ATP11B: variants seen among roughly 807,000 people sequenced by gnomAD.
The protein encoded by ATP11B is ATPase phospholipid transporting 11B (putative), also known as phospholipid-transporting ATPase IF.
In ATP11B, 81 loss-of-function variants were observed where a neutral mutation model predicts 157.8. The ratio of observed to expected loss-of-function variants is 0.51; its 90% CI spans 0.43 to 0.62. ATP11B has a LOEUF of 0.62. Among genes scored for constraint, ATP11B ranks in the 20% least tolerant of loss-of-function variants. The pLI is 0.00. For missense variants in ATP11B, 1,165 were observed against 1,402.2 expected, an observed-to-expected ratio of 0.83 and a Z score of 2.70; for synonymous variants, 451 against 469.4, an observed-to-expected ratio of 0.96 and a Z score of 0.51.
intron 24 of ATP11B, 142 bp from the exon 25 acceptor site, chr3:182,889,264 GATTT>G (rs559277885): frequency 1.8e-4 from 103 of 583,278 alleles, no homozygotes; most frequent in African/African-American, 8.9e-4. Flanking sequence ...TATAAATTTG[GATTT>G]ATTTATTCTT....
Position 182,919,508 on chromosome 3 carries a change from G to A in ATP11B, c.*1404G>A, listed in dbSNP as rs1014006574. 2 of 152,556 alleles carry A rather than the reference G, an allele frequency of 1.3e-5. No homozygotes were observed. The highest frequency in any genetic ancestry group is 4.8e-5 in the African/African-American group (2 of 41,436). 9.5% of individuals were successfully genotyped at this position (152,556 alleles called of 1,614,324 possible). A position where few individuals can be genotyped will look rare whatever the true frequency, so the allele number is the denominator to read the frequency against. ...TAATGTTGTCTTAAGATTTAGAAGT[G>A]ATTATTAGCTTGAGAACTATTACCC... On this transcript the variant is annotated 3_prime_UTR_variant, in exon 30 of 30. Transcript: ENST00000323116.
Position 182,869,097 on chromosome 3 carries a change from C to T in ATP11B, c.1708C>T (p.Leu570=), listed in dbSNP as rs1721457202. The T allele has an allele frequency of 6.2e-7, 1 of 1,609,646 alleles. No individual in the cohort carries two copies. The highest frequency in any genetic ancestry group is 8.5e-7 in the Non-Finnish European group (1 of 1,177,982). The change falls in exon 16 of 30, where the codon CTG becomes TTG. Residue 570 remains leucine, a synonymous_variant. Coordinates refer to ENST00000323116, the MANE Select transcript of ATP11B (RefSeq NM_014616.3). ...KLERYKLLHI[L]EFDSDRRRMS... ...GTTTAGGTACAAACTGCTTCATATT[C>T]TGGAATTTGATTCAGATCGTAGGAG... is the stretch of plus-strand genomic sequence containing the variant.
At chr3:182,866,225 G>A in intron 13 of ATP11B, 43 bp from the exon 14 acceptor site, 1 of 1,420,804 alleles carries the variant, frequency 7.0e-7, no homozygotes, top group African/African-American at 1.5e-5. Flanking sequence ...AATGGTATGT[G>A]GAAATGATAT....
chr3:182,833,024 A>C (rs1268522916), intron 4 of ATP11B, among the ~76,000 whole-genome samples: 3 of 152,138 alleles, frequency 2.0e-5, no homozygotes, highest in Admixed American at 6.5e-5. Flanking sequence ...CAGACAATAA[A>C]TTGTGATATG....
chr3:182,854,752 TACACACACACACACACACAC>T (rs71183649), intron 10 of ATP11B, among the ~76,000 whole-genome samples: 74,125 of 145,876 alleles, frequency 0.51, 20,912 homozygotes, highest in Non-Finnish European at 0.64. Context: ...TGCATGTGTT[TACACACACACACACACACAC>T]ACACACACAC....
intron 3 of ATP11B, 148 bp downstream of exon 3, chr3:182,828,357 T>C (rs1717869538): frequency 2.3e-6 from 1 of 430,530 alleles, no homozygotes; most frequent in African/African-American, 2.0e-5. Flanking sequence ...GTGAATACAA[T>C]GATCTGTCAT....
intron 19 of ATP11B, among the ~76,000 whole-genome samples, chr3:182,875,969 G>A (rs1341540308): frequency 6.6e-6 from 1 of 151,980 alleles, no homozygotes; most frequent in African/African-American, 2.4e-5. Flanking sequence ...TTTTCTGGCT[G>A]GGCACAGTAG....
intron 4 of ATP11B, among the ~76,000 whole-genome samples, chr3:182,830,197 C>T (rs909886615): frequency 5.9e-5 from 9 of 151,992 alleles, no homozygotes; most frequent in African/African-American, 1.9e-4. Flanking sequence ...GTAGCACATA[C>T]CTGTGGTCCC....
chr3:182,803,789 G>A (rs143782259), intron 1 of ATP11B, among the ~76,000 whole-genome samples: 1 of 152,254 alleles, frequency 6.6e-6, no homozygotes, highest in Admixed American at 6.5e-5. Context: ...TCTGTCATAA[G>A]TGACACATTT....
chr3:182,803,243 C>T (rs921014484), intron 1 of ATP11B, among the ~76,000 whole-genome samples: 1 of 152,206 alleles, frequency 6.6e-6, no homozygotes, highest in Non-Finnish European at 1.5e-5. Context: ...CTTGAAAAAA[C>T]GTACCAGTCT....
At chr3:182,891,186 GT>G (rs1723150789) in intron 25 of ATP11B, among the ~76,000 whole-genome samples, 1 of 152,210 alleles carries the variant, frequency 6.6e-6, no homozygotes, top group African/African-American at 2.4e-5. Context: ...ACCTGAAATA[GT>G]GGGGTGAAAA....
intron 1 of ATP11B, among the ~76,000 whole-genome samples, chr3:182,813,494 T>C (rs1166959495): frequency 6.6e-6 from 1 of 152,184 alleles, no homozygotes; most frequent in Non-Finnish European, 1.5e-5. Context: ...CTAATGGAAG[T>C]TGATTTGTTT....
At chr3:182,907,268 T>G (rs148105504) in intron 28 of ATP11B, among the ~76,000 whole-genome samples, 1 of 152,334 alleles carries the variant, frequency 6.6e-6, no homozygotes, top group East Asian at 1.9e-4. Context: ...TTTGGACTAA[T>G]TGCTATTTTA....
At chr3:182,874,106 T>C in intron 19 of ATP11B, 91 bp downstream of exon 19, 8 of 1,080,784 alleles carry the variant, frequency 7.4e-6, no homozygotes, top group South Asian at 3.2e-5. Context: ...TCACTGCCTG[T>C]TTTTTACAGC....
intron 10 of ATP11B, among the ~76,000 whole-genome samples, chr3:182,849,855 T>G (rs1377185227): frequency 6.6e-6 from 1 of 152,014 alleles, no homozygotes; most frequent in Non-Finnish European, 1.5e-5. Flanking sequence ...ACTGAAAATT[T>G]CTAAAATTTG....
At chr3:182,892,805 C>G (rs1723263996) in intron 25 of ATP11B, among the ~76,000 whole-genome samples, 2 of 152,122 alleles carry the variant, frequency 1.3e-5, no homozygotes, top group African/African-American at 2.4e-5. Context: ...TGCCTGAGTT[C>G]CTGTCATGTG....
intron 2 of ATP11B, among the ~76,000 whole-genome samples, chr3:182,820,776 G>C (rs1161980276): frequency 2.0e-5 from 3 of 152,106 alleles, no homozygotes; most frequent in Admixed American, 2.0e-4. Context: ...TCAAGAAAAC[G>C]GTGGTCGATT....
At chr3:182,872,565 A>G in intron 18 of ATP11B, 28 bp downstream of exon 18, 4 of 1,536,760 alleles carry the variant, frequency 2.6e-6, no homozygotes, top group Non-Finnish European at 3.5e-6. Context: ...AAAAAATATT[A>G]CTTTTCTCTC....
intron 12 of ATP11B, among the ~76,000 whole-genome samples, chr3:182,862,907 CATTTATTT>C (rs571815284): frequency 4.6e-5 from 7 of 151,138 alleles, no homozygotes; most frequent in African/African-American, 1.7e-4. Flanking sequence ...CAAGTTGATC[CATTTATTT>C]ATTTATTTAT....
Sources: gnomAD v4.1 joint callset for allele counts (sites outside exome capture counted in the v4.1 genomes callset) on GRCh38, gnomAD v4.1.1 for gene constraint, MANE v1.5 for transcripts, NCBI Gene and HGNC (gene_info 2026-07-23, HGNC 2026-07-21) for gene names.